CHFR: variants seen among roughly 807,000 people sequenced by gnomAD.
CHFR encodes checkpoint with forkhead and ring finger domains.
A neutral mutation model predicts 87.6 loss-of-function variants in CHFR; 57 were observed. The ratio of observed to expected loss-of-function variants is 0.65; its 90% CI spans 0.53 to 0.81. CHFR has a LOEUF of 0.81. Ranked by LOEUF, CHFR falls within the 30% of genes least tolerant of loss-of-function variation. The pLI is 0.00. For missense variants in CHFR, 797 were observed against 865.8 expected (o/e 0.92, Z 1.00); for synonymous variants, 381 against 359.2 (o/e 1.06, Z -0.69).
At chr12:132,872,750 T>A (rs2137028017) in intron 3 of CHFR, among the ~76,000 whole-genome samples, 1 of 152,296 alleles carries the variant, frequency 6.6e-6, no homozygotes, top group African/African-American at 2.4e-5. Flanking sequence ...ACTTGTGCTA[T>A]CCACAGTTCT....
intron 2 of CHFR, among the ~76,000 whole-genome samples, chr12:132,883,446 C>A (rs12319441): frequency 6.9e-6 from 1 of 145,590 alleles, no homozygotes. Context: ...AAAAAAAAGA[C>A]TGGGCGCAGT....
intron 4 of CHFR, 73 bp from the exon 5 acceptor site, chr12:132,870,856 T>A: frequency 1.2e-6 from 1 of 855,492 alleles, no homozygotes; most frequent in Admixed American, 1.9e-5. Context: ...TCTCTTCTGT[T>A]CTCCAGTCCA....
intron 10 of CHFR, among the ~76,000 whole-genome samples, chr12:132,855,912 C>T (rs964892627): frequency 6.6e-6 from 1 of 151,904 alleles, no homozygotes; most frequent in African/African-American, 2.4e-5. Flanking sequence ...ACATTCAGAC[C>T]CCGGTCTTGT....
At chr12:132,848,936 G>T in intron 12 of CHFR, 1 of 525,158 alleles carries the variant, frequency 1.9e-6, no homozygotes, top group Non-Finnish European at 3.4e-6. Context: ...AAAAGGCGAG[G>T]CTCACATTTT....
chr12:132,864,201 C>T lies in CHFR; in HGVS notation c.584-2567G>A, dbSNP rs1593489015. ...GAAAAAAAAAAACACAAGAAACTGG[C>T]TTACAGCAGCTGAAAGAAAACAGAA... On this transcript the variant is annotated intron_variant, in intron 6 of 17. Coordinates refer to ENST00000450056, the MANE Select transcript of CHFR (RefSeq NM_001161346.2). Among the ~76,000 whole-genome samples the T allele has an allele frequency of 2.0e-5, 3 of 150,584 alleles. No individual in the cohort carries two copies. The South Asian group carries it at 6.3e-4, about 32-fold the overall frequency.
chr12:132,887,493 G>A (rs999787282), intron 1 of CHFR, 54 bp downstream of exon 1: 7 of 309,866 alleles, frequency 2.3e-5, no homozygotes, highest in African/African-American at 1.4e-4. Flanking sequence ...TCCCACGGCC[G>A]CAACCAGGTC....
rs12371596 is a variant in CHFR at position 132,876,955 on chromosome 12, C to A, written c.233+600G>T. The stretch of plus-strand genomic sequence containing the variant: ...GATTACAGGCGCATGCCACAACGCC[C>A]GGCTAATTTTTATATTTTTAAGAGA... On this transcript the variant is annotated intron_variant, in intron 3 of 17. Coordinates refer to ENST00000450056, the MANE Select transcript of CHFR (RefSeq NM_001161346.2). Among the ~76,000 whole-genome samples, 362 of 152,066 alleles carry A rather than the reference C, an allele frequency of 2.4e-3. 1 individual carries two copies. Among genetic ancestry groups the A allele is most frequent in the African/African-American group, 8.3e-3 (343 of 41,496 alleles).
chr12:132,851,292 G>A (rs2136943571), intron 12 of CHFR, among the ~76,000 whole-genome samples: 1 of 152,174 alleles, frequency 6.6e-6, no homozygotes, highest in South Asian at 2.1e-4. Flanking sequence ...TGCCTGGCCA[G>A]AGTTGTATAC....
chr12:132,848,472 G>A (rs931342696), intron 13 of CHFR, 169 bp downstream of exon 13: 9 of 692,274 alleles, frequency 1.3e-5, no homozygotes, highest in African/African-American at 3.6e-5. Context: ...GAGCTAACAC[G>A]AATTTGACAC....
chr12:132,886,289 CA>C (rs1951891958), intron 2 of CHFR, among the ~76,000 whole-genome samples: 1 of 150,714 alleles, frequency 6.6e-6, no homozygotes, highest in Non-Finnish European at 1.5e-5. Flanking sequence ...CAGTCTGGGC[CA>C]CAGAGCAAGA....
Position 132,877,636 on chromosome 12 carries a change from G to T in CHFR, c.152C>A (p.Pro51His), listed in dbSNP as rs770855105. ...ATCTCCAGAGACCAGTTTATTGCTGGGGAAGGAAAGGTCGCAACCTAAAAA... is the reference window on the plus strand; with the variant it reads ...ATCTCCAGAGACCAGTTTATTGCTGTGGAAGGAAAGGTCGCAACCTAAAAA... ...GRRRGCDLSF[P>H]SNKLVSGDHC... The change falls in exon 3 of 18, where the codon CCC (proline) becomes CAC (histidine). Residue 51 changes from proline to histidine, a missense_variant. Around this residue, in one of 2 missense-constraint regions of CHFR, gnomAD observed 597 missense variants for 601.2 expected, o/e 0.99. Transcript: ENST00000450056. 3 of 1,612,732 alleles carry T rather than the reference G, an allele frequency of 1.9e-6. No homozygotes were observed. The South Asian group carries it at 3.3e-5, about 18-fold the overall frequency.
At chr12:132,847,791 A>G in intron 14 of CHFR, 1 of 1,286,104 alleles carries the variant, frequency 7.8e-7, no homozygotes, top group Non-Finnish European at 9.9e-7. Flanking sequence ...CCTCACCGAG[A>G]GCTGTGGGAA....
chr12:132,844,275 C>T (rs958432652), intron 15 of CHFR, 141 bp from the exon 16 acceptor site: 1 of 615,422 alleles, frequency 1.6e-6, no homozygotes, highest in Non-Finnish European at 3.0e-6. Context: ...AAGAACAAAG[C>T]CAATCTAGAT....
intron 4 of CHFR, among the ~76,000 whole-genome samples, chr12:132,871,428 C>T (rs10870531): frequency 4.0e-5 from 6 of 151,044 alleles, no homozygotes; most frequent in African/African-American, 1.5e-4. Flanking sequence ...CTCCAGCCTC[C>T]GCAACAGAGC....
rs907376499 is a variant in CHFR at position 132,837,365 on chromosome 12, C to A, written c.*4189G>T. On this transcript the variant is annotated 3_prime_UTR_variant, in exon 18 of 18. Transcript: ENST00000450056. The stretch of plus-strand genomic sequence containing the variant: ...AAGAAAACAAAAGCAAAATTAAAAA[C>A]CACCCTGATTTGAAGCATTTACCAA... 2 of 158,206 alleles carry A rather than the reference C, an allele frequency of 1.3e-5. No homozygotes were observed. The highest frequency in any genetic ancestry group is 1.2e-4 in the Admixed American group (2 of 16,764). 9.8% of individuals were successfully genotyped at this position (158,206 alleles called of 1,614,324 possible).
At chr12:132,861,759 A>T in intron 6 of CHFR, 125 bp from the exon 7 acceptor site, 1 of 818,980 alleles carries the variant, frequency 1.2e-6, no homozygotes, top group Non-Finnish European at 1.9e-6. Context: ...TTTAGGAATG[A>T]CAAGTGGCTT....
chr12:132,872,783 C>T (rs987490109), intron 3 of CHFR, among the ~76,000 whole-genome samples: 3 of 152,198 alleles, frequency 2.0e-5, no homozygotes, highest in African/African-American at 7.2e-5. Context: ...CATCACAACC[C>T]CGGTGAACTC....
At position 132,844,875 on chromosome 12, in the gene CHFR, C is replaced by T. The variant is rs187438733; in HGVS notation, c.1736-741G>A. ...CTCAAACTCTTGTCCTCAGATGATC[C>T]GCCCGCCTCGGCTTCCCAAAATGCT... On this transcript the variant is annotated intron_variant, in intron 15 of 17. Coordinates refer to ENST00000450056, the MANE Select transcript of CHFR (RefSeq NM_001161346.2). Among the ~76,000 whole-genome samples, 831 of 152,028 alleles carry T rather than the reference C, an allele frequency of 5.5e-3. 4 individuals are homozygous for T. The highest frequency in any genetic ancestry group is 0.01 in the South Asian group (50 of 4,804).
chr12:132,877,785 C>A (rs1043595783), intron 2 of CHFR, 131 bp from the exon 3 acceptor site: 2 of 503,880 alleles, frequency 4.0e-6, no homozygotes, highest in Non-Finnish European at 6.9e-6. Flanking sequence ...AAACACTTGA[C>A]CAAGAAAGAC....
Sources: gnomAD v4.1 joint callset for allele counts (sites outside exome capture counted in the v4.1 genomes callset) on GRCh38, gnomAD v4.1.1 for gene constraint, gnomAD v4.1.1 regional missense constraint, MANE v1.5 for transcripts, NCBI Gene and HGNC (gene_info 2026-07-23, HGNC 2026-07-21) for gene names.